The following HS2ST1 variants were observed in gnomAD, a reference collection of about 807,000 sequenced individuals.
HS2ST1 encodes the protein 2-O-sulfotransferase.
In HS2ST1, 18 loss-of-function variants were observed where a neutral mutation model predicts 42.9. That is an observed-to-expected ratio of 0.42 (90% CI 0.29 to 0.62). The LOEUF is 0.62. Ranked by LOEUF, HS2ST1 falls within the 20% of genes least tolerant of loss-of-function variation. HS2ST1 has a pLI of 0.21. For missense variants in HS2ST1, 334 were observed against 433.8 expected (o/e 0.77, Z 2.04); for synonymous variants, 146 against 152.9 (o/e 0.95, Z 0.33).
chr1:87,055,775 T>C (rs753381809), intron 1 of HS2ST1, among the ~76,000 whole-genome samples: 4 of 152,220 alleles, frequency 2.6e-5, no homozygotes, highest in South Asian at 2.1e-4. Flanking sequence ...GGTACCAAAC[T>C]GTACTAGTAG....
chr1:87,075,434 T>A (rs1651516748), intron 2 of HS2ST1, among the ~76,000 whole-genome samples: 1 of 152,180 alleles, frequency 6.6e-6, no homozygotes, highest in Non-Finnish European at 1.5e-5. Flanking sequence ...CCCAAAGTGC[T>A]GGGATTACAG....
intron 1 of HS2ST1, among the ~76,000 whole-genome samples, chr1:87,002,009 T>C (rs1649302291): frequency 6.6e-6 from 1 of 151,150 alleles, no homozygotes; most frequent in Non-Finnish European, 1.5e-5. Flanking sequence ...GCCTCCAGGG[T>C]TCACGCCATT....
At chr1:87,019,297 C>T (rs1649851850) in intron 1 of HS2ST1, among the ~76,000 whole-genome samples, 1 of 152,136 alleles carries the variant, frequency 6.6e-6, no homozygotes, top group Non-Finnish European at 1.5e-5. Context: ...AAAGTTCAAA[C>T]GGTATTCCTT....
At chr1:87,012,605 G>A (rs576196139) in intron 1 of HS2ST1, among the ~76,000 whole-genome samples, 25 of 152,148 alleles carry the variant, frequency 1.6e-4, no homozygotes, top group African/African-American at 5.3e-4. Context: ...TCTGCCCCTG[G>A]CCCCTCCCAA....
chr1:87,000,383 G>T (rs966293406), intron 1 of HS2ST1, among the ~76,000 whole-genome samples: 1 of 152,148 alleles, frequency 6.6e-6, no homozygotes, highest in Admixed American at 6.5e-5. Flanking sequence ...GCAATTAAAT[G>T]CCTGTTTCTA....
chr1:87,097,749 C>T, intron 4 of HS2ST1, 89 bp from the exon 5 acceptor site: 2 of 1,473,492 alleles, frequency 1.4e-6, no homozygotes, highest in Non-Finnish European at 1.9e-6. Context: ...CCTACTCTGG[C>T]CCATTTATTT....
intron 2 of HS2ST1, among the ~76,000 whole-genome samples, chr1:87,075,610 T>C (rs1201240451): frequency 6.6e-6 from 1 of 152,196 alleles, no homozygotes; most frequent in Non-Finnish European, 1.5e-5. Flanking sequence ...TAAAAATATT[T>C]TGAGATATGT....
intron 1 of HS2ST1, among the ~76,000 whole-genome samples, chr1:86,927,629 A>G (rs1179841949): frequency 6.6e-6 from 1 of 152,178 alleles, no homozygotes; most frequent in Non-Finnish European, 1.5e-5. Context: ...AAATGACTAT[A>G]AAGAGTGATC....
intron 1 of HS2ST1, among the ~76,000 whole-genome samples, chr1:86,920,521 A>AG (rs1660270218): frequency 6.6e-6 from 1 of 152,208 alleles, no homozygotes; most frequent in Non-Finnish European, 1.5e-5. Flanking sequence ...AGTCTTGAAT[A>AG]GGATGTCTAG....
At chr1:86,918,586 T>G (rs1660220017) in intron 1 of HS2ST1, among the ~76,000 whole-genome samples, 1 of 152,086 alleles carries the variant, frequency 6.6e-6, no homozygotes, top group Non-Finnish European at 1.5e-5. Flanking sequence ...CTCATGTTGA[T>G]GTCATTTTGT....
At chr1:87,075,107 C>T (rs1052078336) in intron 2 of HS2ST1, among the ~76,000 whole-genome samples, 1 of 147,562 alleles carries the variant, frequency 6.8e-6, no homozygotes, top group African/African-American at 2.5e-5. Context: ...ATATAACACA[C>T]TTTTATTTTA....
chr1:86,961,751 T>G (rs944929934), intron 1 of HS2ST1, among the ~76,000 whole-genome samples: 3 of 152,122 alleles, frequency 2.0e-5, no homozygotes, highest in Admixed American at 2.0e-4. Flanking sequence ...TATACTCCAT[T>G]AGGTAATCAT....
chr1:87,016,676 C>G (rs1649769177), intron 1 of HS2ST1, among the ~76,000 whole-genome samples: 1 of 152,124 alleles, frequency 6.6e-6, no homozygotes, highest in South Asian at 2.1e-4. Context: ...TTCCAAGTTG[C>G]AGCAGCTATA....
At chr1:86,962,923 A>G (rs571052609) in intron 1 of HS2ST1, among the ~76,000 whole-genome samples, 151 of 152,292 alleles carry the variant, frequency 9.9e-4, no homozygotes, top group South Asian at 2.5e-3. Flanking sequence ...GATTTCTTCA[A>G]TTGATAATTG....
intron 1 of HS2ST1, among the ~76,000 whole-genome samples, chr1:86,959,415 T>G (rs1220632220): frequency 6.6e-6 from 1 of 152,184 alleles, no homozygotes; most frequent in Non-Finnish European, 1.5e-5. Flanking sequence ...CCCAGCACTT[T>G]GGGAGGCAGA....
At chr1:86,984,170 A>T (rs920840827) in intron 1 of HS2ST1, among the ~76,000 whole-genome samples, 1 of 152,244 alleles carries the variant, frequency 6.6e-6, no homozygotes, top group African/African-American at 2.4e-5. Flanking sequence ...GAGAAAATTG[A>T]AGCCCAGGAG....
chr1:86,955,577 T>G (rs145509280), intron 1 of HS2ST1, among the ~76,000 whole-genome samples: 2 of 151,456 alleles, frequency 1.3e-5, no homozygotes, highest in East Asian at 3.9e-4. Context: ...TTAATGGGAG[T>G]GAAGGGTGGG....
chr1:87,064,652 C>A, intron 1 of HS2ST1: 2 of 398,074 alleles, frequency 5.0e-6, no homozygotes, highest in South Asian at 2.0e-5. Context: ...CTCAGGGAGA[C>A]TGATTCAAGC....
intron 1 of HS2ST1, among the ~76,000 whole-genome samples, chr1:87,025,835 T>G (rs1650073855): frequency 6.6e-6 from 1 of 152,192 alleles, no homozygotes; most frequent in African/African-American, 2.4e-5. Context: ...GAATTAAGAT[T>G]TGCAGAATGT....
Sources: allele counts gnomAD v4.1 joint callset (sites outside exome capture counted in the v4.1 genomes callset), GRCh38; gene constraint gnomAD v4.1.1; transcripts MANE v1.5; gene names NCBI Gene and HGNC (gene_info 2026-07-23, HGNC 2026-07-21).